LSM3: variants seen among roughly 807,000 people sequenced by gnomAD.
LSM3 encodes U6 snRNA-associated Sm-like protein LSm3.
A neutral mutation model predicts 15.4 loss-of-function variants in LSM3; 14 were observed. That is an observed-to-expected ratio of 0.91 (90% CI 0.60 to 1.42). LSM3 has a LOEUF of 1.42. LSM3 is among the 40% of genes most tolerant of loss of function. The pLI is 0.00. For synonymous variants in LSM3, 46 were observed against 45.1 expected (o/e 1.02, Z -0.08); for missense variants, 88 against 127.9 (o/e 0.69, Z 1.50).
intron 3 of LSM3, among the ~76,000 whole-genome samples, chr3:14,192,128 G>A (rs1489576818): frequency 6.6e-6 from 1 of 152,216 alleles, no homozygotes; most frequent in Admixed American, 6.5e-5. Context: ...TAATTTGATT[G>A]CAATGTGGTC....
rs1697113374 is a variant in LSM3, at chr3:14,188,747, GAT to G, written c.228+4717_228+4718del. Among the ~76,000 whole-genome samples the G allele has an allele frequency of 2.6e-5, 4 of 152,084 alleles. No individual in the cohort carries two copies. In the South Asian group the frequency reaches 8.3e-4, roughly 32 times the overall value. On this transcript the variant is annotated intron_variant, in intron 3 of 3. Transcript: ENST00000306024. ...TTAACTGTTTTCCTGTTGATGGACA[GAT>G]AGCCATTTCCAATATTTTGCTAGTA... is the stretch of plus-strand genomic sequence containing the variant.
intron 3 of LSM3, among the ~76,000 whole-genome samples, chr3:14,195,103 T>G (rs1010863822): frequency 6.6e-6 from 1 of 152,204 alleles, no homozygotes; most frequent in East Asian, 1.9e-4. Flanking sequence ...GTAGGTTTCC[T>G]CCATGCAGTC....
At chr3:14,190,544 C>G (rs1200040971) in intron 3 of LSM3, among the ~76,000 whole-genome samples, 2 of 152,100 alleles carry the variant, frequency 1.3e-5, no homozygotes, top group African/African-American at 2.4e-5. Flanking sequence ...GTATTTTATT[C>G]TCTTAGTAGC....
At chr3:14,180,246 A>G (rs993086328) in intron 1 of LSM3, among the ~76,000 whole-genome samples, 2 of 152,102 alleles carry the variant, frequency 1.3e-5, no homozygotes, top group African/African-American at 4.8e-5. Context: ...CAGTTCTGTA[A>G]TAATATAATA....
At chr3:14,186,434 A>G (rs1403839659) in intron 3 of LSM3, among the ~76,000 whole-genome samples, 3 of 152,190 alleles carry the variant, frequency 2.0e-5, no homozygotes, top group Non-Finnish European at 2.9e-5. Context: ...GCTACATGAA[A>G]AGCCTTCAGA....
intron 3 of LSM3, among the ~76,000 whole-genome samples, chr3:14,194,921 G>A (rs1697174530): frequency 2.0e-5 from 3 of 151,830 alleles, no homozygotes; most frequent in Non-Finnish European, 2.9e-5. Flanking sequence ...GACAGCCCAG[G>A]GGAGATTCCT....
Position 14,181,646 on chromosome 3 carries a change from C to T in LSM3, c.108C>T (p.Asp36=), listed in dbSNP as rs984384755. ...GAATTTATGTGAAAATGAGAAATGA[C>T]CGAGAGCTTCGAGGCAGATTACATG... ...DERIYVKMRN[D]RELRGRLHAY... Residue 36 remains aspartate, a synonymous_variant, in exon 2 of 4, where the codon GAC becomes GAT. Transcript: ENST00000306024. 2 of 1,613,338 alleles carry T rather than the reference C, an allele frequency of 1.2e-6. No individual in the cohort carries two copies. The highest frequency in any genetic ancestry group is 2.7e-5 in the African/African-American group (2 of 74,890).
Position 14,199,634 on chromosome 3 carries a change from G to A in LSM3, c.*1518G>A, listed in dbSNP as rs1351074042. 2 of 152,252 alleles carry A rather than the reference G, an allele frequency of 1.3e-5. No homozygotes were observed. The highest frequency in any genetic ancestry group is 4.1e-4 in the South Asian group (2 of 4,832). The allele number at this position is 152,252 out of a possible 1,614,324, so 9.4% of individuals were successfully genotyped here. ...GGCTTCATCTTAGGTGAGGAGGCAG[G>A]AGAGACACCCTCCCTTCACTTGTGC... On this transcript the variant is annotated 3_prime_UTR_variant, in exon 4 of 4. Transcript: ENST00000306024.
intron 1 of LSM3, among the ~76,000 whole-genome samples, chr3:14,180,845 TTTTTTTTTTTTTA>T (rs1415551805): frequency 0.11 from 11,719 of 103,544 alleles, 1,415 homozygotes; most frequent in Non-Finnish European, 0.15. Context: ...TTTTTTTTTT[TTTTTTTTTTTTTA>T]AAAAAAAAAA....
chr3:14,189,789 A>C (rs905119556), intron 3 of LSM3, among the ~76,000 whole-genome samples: 33 of 151,998 alleles, frequency 2.2e-4, no homozygotes, highest in African/African-American at 7.2e-5. Context: ...TGTGCAGAAG[A>C]TCTTTAGTTT....
At chr3:14,180,568 G>A (rs1251829704) in intron 1 of LSM3, among the ~76,000 whole-genome samples, 1 of 152,008 alleles carries the variant, frequency 6.6e-6, no homozygotes, top group African/African-American at 2.4e-5. Context: ...GGATTCAAGC[G>A]TGAGCCACCA....
At chr3:14,193,360 C>T (rs929253430) in intron 3 of LSM3, among the ~76,000 whole-genome samples, 1 of 152,198 alleles carries the variant, frequency 6.6e-6, no homozygotes, top group Non-Finnish European at 1.5e-5. Context: ...TGGATAATAT[C>T]CTGAAGAGTG....
chr3:14,192,067 C>A lies in LSM3; in HGVS notation c.229-5969C>A, dbSNP rs1697144985. ...AGTAGTCATTCAGGAGCAGGTTGTT[C>A]AGTTTCCATGTATTTGTGCGGTTTT... On this transcript the variant is annotated intron_variant, in intron 3 of 3. Transcript: ENST00000306024. Among the ~76,000 whole-genome samples, 5 of 152,276 alleles carry A rather than the reference C, an allele frequency of 3.3e-5. No individual in the cohort carries two copies. The South Asian group carries it at 1.0e-3, about 32-fold the overall frequency.
intron 1 of LSM3, among the ~76,000 whole-genome samples, chr3:14,179,290 A>T (rs183978821): frequency 1.3e-5 from 2 of 152,262 alleles, no homozygotes; most frequent in African/African-American, 4.8e-5. Context: ...GGACACTGAC[A>T]TCGACATATA....
At chr3:14,191,886 TA>T (rs1212743265) in intron 3 of LSM3, among the ~76,000 whole-genome samples, 1 of 152,232 alleles carries the variant, frequency 6.6e-6, no homozygotes, top group Non-Finnish European at 1.5e-5. Flanking sequence ...GTGTCAATTT[TA>T]GATCTTTCCT....
intron 3 of LSM3, among the ~76,000 whole-genome samples, chr3:14,194,357 G>T (rs778075209): frequency 5.9e-5 from 9 of 152,288 alleles, no homozygotes; most frequent in Non-Finnish European, 1.3e-4. Flanking sequence ...CCCCTGACTG[G>T]GGCTGCTGCC....
chr3:14,180,700 A>G (rs1697026360), intron 1 of LSM3, among the ~76,000 whole-genome samples: 1 of 152,050 alleles, frequency 6.6e-6, no homozygotes, highest in Non-Finnish European at 1.5e-5. Flanking sequence ...GGCTTTCTCA[A>G]TTACAAATGA....
At chr3:14,189,382 T>C (rs1293949669) in intron 3 of LSM3, among the ~76,000 whole-genome samples, 1 of 152,228 alleles carries the variant, frequency 6.6e-6, no homozygotes, top group Non-Finnish European at 1.5e-5. Context: ...CACCACACTG[T>C]CTTCCACAAT....
chr3:14,197,836 T>C (rs1000719173), intron 3 of LSM3, among the ~76,000 whole-genome samples, 200 bp from the exon 4 acceptor site: 1 of 152,214 alleles, frequency 6.6e-6, no homozygotes, highest in Non-Finnish European at 1.5e-5. Context: ...TGAGTTTTAA[T>C]GGGTAGCTCC....
Sources: gnomAD v4.1 joint callset for allele counts (sites outside exome capture counted in the v4.1 genomes callset) on GRCh38, gnomAD v4.1.1 for gene constraint, MANE v1.5 for transcripts, NCBI Gene and HGNC (gene_info 2026-07-23, HGNC 2026-07-21) for gene names.